Variants in PTCH1 observed in about 807,000 individuals in gnomAD.
PTCH1 encodes the protein patched 1, also known as protein patched homolog 1.
In PTCH1, 14 loss-of-function variants were observed where a neutral mutation model predicts 144.6. The observed-to-expected ratio is 0.10, with a 90% CI of 0.06 to 0.15. PTCH1 has a LOEUF of 0.15. PTCH1 is among the 10% of genes least tolerant of loss of function. PTCH1 has a pLI of 1.00. For missense variants in PTCH1, 1,623 were observed against 1,948.3 expected, an observed-to-expected ratio of 0.83 and a Z score of 3.14; for synonymous variants, 833 against 793.6, an observed-to-expected ratio of 1.05 and a Z score of -0.83.
chr9:95,511,013 C>T (rs954705722), upstream of PTCH1, among the ~76,000 whole-genome samples: 1 of 149,872 alleles, frequency 6.7e-6, no homozygotes, highest in East Asian at 2.0e-4. Flanking sequence ...CCGGACGCGC[C>T]GTAGTACATT....
chr9:95,457,045 G>C lies in PTCH1; in HGVS notation c.3169-632C>G, dbSNP rs190614606. On this transcript the variant is annotated intron_variant, in intron 18 of 23. Transcript: ENST00000331920. ...CACTTTGAAGAGCTGGGGACAGCTG[G>C]GGTGGACTGAGCCAACTGTTAAAAT... Among the ~76,000 whole-genome samples, 145 of 152,278 alleles carry C rather than the reference G, an allele frequency of 9.5e-4. 1 individual carries two copies. Among genetic ancestry groups the C allele is most frequent in the Middle Eastern group, 3.4e-3 (1 of 294 alleles).
chr9:95,494,246 T>C, intron 2 of PTCH1: 12 of 985,510 alleles, frequency 1.2e-5, no homozygotes, highest in Non-Finnish European at 1.4e-5. Flanking sequence ...TCTGAATGGC[T>C]TTCCCTGACG....
At chr9:95,450,037 G>C (rs1461238199) in intron 20 of PTCH1, 97 bp from the exon 21 acceptor site, 8 of 1,068,484 alleles carry the variant, frequency 7.5e-6, no homozygotes, top group Non-Finnish European at 1.1e-5. Flanking sequence ...CGCCAGAAAT[G>C]AACAAAACCC....
chr9:95,512,583 C>A (rs1245232644), upstream of PTCH1, among the ~76,000 whole-genome samples: 2 of 152,158 alleles, frequency 1.3e-5, no homozygotes, highest in Non-Finnish European at 2.9e-5. Flanking sequence ...ACATTCCCAG[C>A]GATAATGTTG....
At chr9:95,511,956 C>T (rs572119372), upstream of PTCH1, among the ~76,000 whole-genome samples, 2 of 152,194 alleles carry the variant, frequency 1.3e-5, no homozygotes, top group Non-Finnish European at 2.9e-5. Flanking sequence ...TTTCAAACTT[C>T]TCCACCACGT....
Position 95,476,751 on chromosome 9 carries a change from T to A in PTCH1, c.1602+8A>T. The A allele has an allele frequency of 6.2e-7, 1 of 1,611,816 alleles. No homozygotes were observed. Among genetic ancestry groups the A allele is most frequent in the Non-Finnish European group, 8.5e-7 (1 of 1,178,270 alleles). On this transcript the variant is annotated splice_region_variant and intron_variant, in intron 11 of 23. Coordinates refer to ENST00000331920, the MANE Select transcript of PTCH1 (RefSeq NM_000264.5). The surrounding 1 kb of genome is among the most constrained non-coding windows in gnomAD (Gnocchi z 4.6). The stretch of plus-strand genomic sequence containing the variant: ...CCCCAAAGCTCTCTTCTTTTGTTTT[T>A]GCATTACCTCAAAAGGGATTCTTTT...
chr9:95,508,075 G>T, intron 1 of PTCH1, 86 bp downstream of exon 1: 1 of 1,588,398 alleles, frequency 6.3e-7, no homozygotes, highest in South Asian at 1.1e-5. Context: ...GAGAGGAAGA[G>T]AGTGTGTGTG....
At chr9:95,511,262 GCTTC>G (rs1844146743), upstream of PTCH1, among the ~76,000 whole-genome samples, 2 of 148,884 alleles carry the variant, frequency 1.3e-5, no homozygotes, top group South Asian at 2.2e-4. Flanking sequence ...TCCCCTCCCC[GCTTC>G]CTTCCTTCGG....
intron 2 of PTCH1, among the ~76,000 whole-genome samples, chr9:95,493,427 G>A (rs1842568316): frequency 6.6e-6 from 1 of 152,220 alleles, no homozygotes; most frequent in Non-Finnish European, 1.5e-5. Flanking sequence ...CACACCAAGT[G>A]TGCTGAATGA....
chr9:95,446,748 T>G, intron 23 of PTCH1, 163 bp downstream of exon 23: 1 of 878,786 alleles, frequency 1.1e-6, no homozygotes, highest in Non-Finnish European at 1.8e-6. Context: ...TGACAAAGCT[T>G]GGACACATCA....
chr9:95,507,510 T>C, intron 1 of PTCH1: 1 of 931,562 alleles, frequency 1.1e-6, no homozygotes, highest in East Asian at 1.2e-4. Context: ...GCAATTTGTT[T>C]ACAACTTTTC....
Position 95,503,287 on chromosome 9 carries a change from A to C in PTCH1, c.394+3120T>G, listed in dbSNP as rs188344824. On this transcript the variant is annotated intron_variant, in intron 2 of 23. Coordinates refer to ENST00000331920, the MANE Select transcript of PTCH1 (RefSeq NM_000264.5). ...ATGCACAAAATGAACTTAAATGTGG[A>C]GCTATTACTCACTTCAATTCACGGA... 21 of 152,276 alleles carry C rather than the reference A, an allele frequency of 1.4e-4. No homozygotes were observed. In the East Asian group the frequency reaches 3.9e-3, roughly 28 times the overall value. 9.4% of individuals were successfully genotyped at this position (152,276 alleles called of 1,614,324 possible). A position where few individuals can be genotyped will look rare whatever the true frequency, so the allele number is the denominator to read the frequency against.
In PTCH1 at chr9:95,447,217, G is replaced by A. The variant is rs760724368; in HGVS notation, c.4039C>T (p.His1347Tyr). The A allele has an allele frequency of 1.9e-6, 3 of 1,612,970 alleles. No individual in the cohort carries two copies. The highest frequency in any genetic ancestry group is 2.2e-5 in the East Asian group (1 of 44,872). Residue 1347 changes from histidine to tyrosine, a missense_variant, in exon 23 of 24, where the codon CAC becomes TAC. Transcript: ENST00000331920. The stretch of plus-strand genomic sequence containing the variant: ...GTGGACGCTGGGTTCCGAGGGTTGT[G>A]AGAACGGGCCCCGCGAGGGCCCCAG... ...ARWGPRGARS[H>Y]NPRNPASTAM...
intron 19 of PTCH1, among the ~76,000 whole-genome samples, chr9:95,454,214 C>G (rs1391917300): frequency 6.6e-6 from 1 of 152,218 alleles, no homozygotes; most frequent in African/African-American, 2.4e-5. Flanking sequence ...AGTCCTAAAG[C>G]TCTCCTAGGC....
At chr9:95,497,797 T>G (rs1842885459) in intron 2 of PTCH1, among the ~76,000 whole-genome samples, 1 of 152,222 alleles carries the variant, frequency 6.6e-6, no homozygotes, top group Non-Finnish European at 1.5e-5. Flanking sequence ...GCCATTCCAA[T>G]GTGTTTATCT....
At position 95,476,052 on chromosome 9, in the gene PTCH1, C is replaced by A. The variant is rs374924167; in HGVS notation, c.1710G>T (p.Leu570=). The change falls in exon 12 of 24, where the codon CTG becomes CTT. Residue 570 remains leucine (L), a synonymous_variant. Transcript: ENST00000331920. This position sits in a 1 kb window ranked among gnomAD's most constrained non-coding sequence, Gnocchi z 4.6. ...FMAALIPIPA[L]RAFSLQAAVV... ...AGCTCACCTGGAGGGAGAACGCCCG[C>A]AGAGCGGGAATTGGGATTAACGCGG... 7.9e-5 allele frequency: 127 copies of A among 1,614,036 alleles called. No homozygotes were observed. The highest frequency in any genetic ancestry group is 1.5e-4 in the Admixed American group (9 of 60,022).
chr9:95,493,158 GGCC>G (rs1842545822), intron 2 of PTCH1, among the ~76,000 whole-genome samples: 1 of 152,174 alleles, frequency 6.6e-6, no homozygotes, highest in Admixed American at 6.5e-5. Context: ...CATACTTCTA[GGCC>G]AATATGATTC....
At chr9:95,447,753 C>G (rs1307446705) in intron 22 of PTCH1, among the ~76,000 whole-genome samples, 1 of 152,236 alleles carries the variant, frequency 6.6e-6, no homozygotes, top group East Asian at 1.9e-4. Flanking sequence ...CCCCCACAAC[C>G]TGCCCCCGAC....
At chr9:95,450,649 G>C (rs1343727823) in intron 20 of PTCH1, 1 of 153,812 alleles carries the variant, frequency 6.5e-6, no homozygotes, top group Non-Finnish European at 1.4e-5. Context: ...ATTGTGCTGG[G>C]TGAGGGCACT....
Sources: allele counts gnomAD v4.1 joint callset (sites outside exome capture counted in the v4.1 genomes callset), GRCh38; gene constraint gnomAD v4.1.1; non-coding constraint Gnocchi (gnomAD v3.1); transcripts MANE v1.5; gene names NCBI Gene and HGNC (gene_info 2026-07-23, HGNC 2026-07-21).